LRMDA: variants seen among roughly 807,000 people sequenced by gnomAD.
LRMDA encodes leucine-rich melanocyte differentiation-associated protein.
In LRMDA, 18 loss-of-function variants were observed where a neutral mutation model predicts 29.8. The ratio of observed to expected loss-of-function variants is 0.60; its 90% confidence interval spans 0.42 to 0.90. LRMDA has a LOEUF of 0.90. Among genes scored for constraint, LRMDA ranks in the 40% least tolerant of loss-of-function variants. The pLI is 0.00. For synonymous variants in LRMDA, 125 were observed against 109.4 expected (o/e 1.14, Z -0.89); for missense variants, 273 against 273.9 (o/e 1.00, Z 0.02).
At chr10:75,653,854 G>A (rs1208368490) in intron 2 of LRMDA, among the ~76,000 whole-genome samples, 2 of 152,220 alleles carry the variant, frequency 1.3e-5, no homozygotes, top group African/African-American at 4.8e-5. Context: ...TCAAAAAAAT[G>A]TCATCGGCAT....
chr10:75,899,577 G>C (rs916630632), intron 2 of LRMDA, among the ~76,000 whole-genome samples: 12 of 152,202 alleles, frequency 7.9e-5, no homozygotes, highest in Non-Finnish European at 1.5e-4. Flanking sequence ...AGAATGCGGG[G>C]CCTGTGATCT....
chr10:75,684,418 A>G (rs1370750323), intron 2 of LRMDA, among the ~76,000 whole-genome samples: 1 of 152,254 alleles, frequency 6.6e-6, no homozygotes, highest in Non-Finnish European at 1.5e-5. Context: ...ATTTCAGAGT[A>G]GACCCTGCCT....
At chr10:76,456,399 C>T (rs185928377) in intron 6 of LRMDA, among the ~76,000 whole-genome samples, 126 of 152,290 alleles carry the variant, frequency 8.3e-4, no homozygotes, top group African/African-American at 2.9e-3. Context: ...TGAGCTGGAG[C>T]TTCCCTGGTG....
chr10:75,799,490 G>A (rs1843710146), intron 2 of LRMDA, among the ~76,000 whole-genome samples: 1 of 150,492 alleles, frequency 6.6e-6, no homozygotes, highest in Non-Finnish European at 1.5e-5. Context: ...GGATCTTGGT[G>A]TTTTATTCAG....
chr10:75,565,841 A>G (rs1430334), intron 2 of LRMDA, among the ~76,000 whole-genome samples: 93,492 of 152,122 alleles, frequency 0.61, 31,634 homozygotes, highest in East Asian at 0.85. Context: ...TTGGGAGGCC[A>G]AGGTGGATGG....
chr10:75,435,242 C>T (rs1844251204), intron 1 of LRMDA, among the ~76,000 whole-genome samples: 1 of 152,168 alleles, frequency 6.6e-6, no homozygotes, highest in Admixed American at 6.5e-5. Flanking sequence ...CTCTGTATCC[C>T]GTCTCCCTTT....
chr10:75,701,053 C>T (rs144350580), intron 2 of LRMDA, among the ~76,000 whole-genome samples: 24 of 152,258 alleles, frequency 1.6e-4, no homozygotes, highest in Admixed American at 4.6e-4. Flanking sequence ...GCAGAAAGTG[C>T]GATAGAGAAC....
intron 2 of LRMDA, among the ~76,000 whole-genome samples, chr10:75,923,919 A>G (rs111527636): frequency 2.6e-5 from 4 of 152,308 alleles, no homozygotes; most frequent in Admixed American, 6.5e-5. Flanking sequence ...GTGATTTAAT[A>G]GAAAAGGTAA....
Position 75,744,611 on chromosome 10 carries a change from G to T in LRMDA, c.132-291397G>T, listed in dbSNP as rs558701998. Among the ~76,000 whole-genome samples, 3 of 152,324 alleles carry T rather than the reference G, an allele frequency of 2.0e-5. No homozygotes were observed. In the East Asian group the frequency reaches 5.8e-4, roughly 29 times the overall value. On this transcript the variant is annotated intron_variant, in intron 2 of 6. Coordinates refer to ENST00000611255, the MANE Select transcript of LRMDA (RefSeq NM_001305581.2). ...CCTCCTCTTTAGGGTAGAAACCTGA[G>T]ATGGAGACAGAAGGAGGGGACTTAT...
At chr10:75,560,249 G>T (rs866655429) in intron 2 of LRMDA, among the ~76,000 whole-genome samples, 6 of 152,038 alleles carry the variant, frequency 3.9e-5, no homozygotes, top group Middle Eastern at 3.4e-3. Context: ...GGTCTTTCAC[G>T]TCCCTTGTAA....
chr10:76,451,671 G>A (rs377229852), intron 6 of LRMDA, among the ~76,000 whole-genome samples: 6 of 147,996 alleles, frequency 4.1e-5, no homozygotes, highest in Non-Finnish European at 9.0e-5. Context: ...GTGGAGGAGG[G>A]TGGTGGACAG....
At chr10:76,311,017 G>C (rs1171078639) in intron 5 of LRMDA, among the ~76,000 whole-genome samples, 1 of 152,132 alleles carries the variant, frequency 6.6e-6, no homozygotes, top group African/African-American at 2.4e-5. Context: ...GAGAACTATA[G>C]ACTCACTTGC....
chr10:75,926,462 C>T (rs866111476), intron 2 of LRMDA, among the ~76,000 whole-genome samples: 23 of 152,154 alleles, frequency 1.5e-4, no homozygotes, highest in African/African-American at 5.1e-4. Flanking sequence ...TATAGTAAGC[C>T]GGTTTCCAGA....
At chr10:76,442,616 G>C (rs1052368947) in intron 6 of LRMDA, among the ~76,000 whole-genome samples, 1 of 152,108 alleles carries the variant, frequency 6.6e-6, no homozygotes, top group Non-Finnish European at 1.5e-5. Flanking sequence ...TTGCTTGAGT[G>C]GGGAGGTGAA....
At chr10:76,325,009 G>C (rs950183346) in intron 6 of LRMDA, among the ~76,000 whole-genome samples, 1 of 152,150 alleles carries the variant, frequency 6.6e-6, no homozygotes, top group Admixed American at 6.5e-5. Context: ...CCAAAGCCTT[G>C]CATGTCTGTT....
intron 2 of LRMDA, among the ~76,000 whole-genome samples, chr10:75,603,589 A>G (rs933259712): frequency 2.6e-5 from 4 of 152,296 alleles, no homozygotes; most frequent in African/African-American, 7.2e-5. Context: ...TTAAGGAGAA[A>G]GATGTGAGAA....
chr10:75,562,142 C>T (rs1056013850), intron 2 of LRMDA, among the ~76,000 whole-genome samples: 2 of 151,986 alleles, frequency 1.3e-5, no homozygotes, highest in East Asian at 3.8e-4. Context: ...GTTAAAGTCT[C>T]CCATTATTAT....
chr10:75,598,874 C>T (rs994321624), intron 2 of LRMDA, among the ~76,000 whole-genome samples: 2 of 152,172 alleles, frequency 1.3e-5, no homozygotes, highest in Admixed American at 6.5e-5. Flanking sequence ...TTTAGCAAAG[C>T]ACCTGGGCTT....
chr10:75,535,990 G>C (rs1255635286), intron 2 of LRMDA, among the ~76,000 whole-genome samples: 3 of 152,212 alleles, frequency 2.0e-5, no homozygotes, highest in Non-Finnish European at 4.4e-5. Context: ...GAGAGGTTGG[G>C]TTGGCTGGTG....
Sources: gnomAD v4.1 joint callset for allele counts (sites outside exome capture counted in the v4.1 genomes callset) on GRCh38, gnomAD v4.1.1 for gene constraint, MANE v1.5 for transcripts, NCBI Gene and HGNC (gene_info 2026-07-23, HGNC 2026-07-21) for gene names.